IGF1R: variants seen among roughly 807,000 people sequenced by gnomAD.
IGF1R encodes the protein insulin-like growth factor 1 receptor.
Under a neutral mutation model 144.6 loss-of-function variants are expected in IGF1R, and 44 were observed. The observed-to-expected ratio is 0.30, with a 90% CI of 0.24 to 0.39. IGF1R has a LOEUF of 0.39. Ranked by LOEUF, IGF1R falls within the 10% of genes least tolerant of loss-of-function variation. The pLI is 1.00. For missense variants in IGF1R, 1,355 were observed against 1,833.7 expected (o/e 0.74, Z 4.77); for synonymous variants, 795 against 722.8 (o/e 1.10, Z -1.60).
Position 98,649,416 on chromosome 15 carries a change from C to G in IGF1R, c.-166C>G, listed in dbSNP as rs1163850430. On this transcript the variant is annotated 5_prime_UTR_variant, in exon 1 of 21. Coordinates refer to ENST00000650285, the MANE Select transcript of IGF1R (RefSeq NM_000875.5). ...CCCCGTCCGCGCACCCGGAGGGCCCCGGCGGCGCCGCCTTCGGAGTATTGT... is the reference window on the plus strand; with the variant it reads ...CCCCGTCCGCGCACCCGGAGGGCCCGGGCGGCGCCGCCTTCGGAGTATTGT... The G allele has an allele frequency of 7.1e-6, 3 of 425,194 alleles. No homozygotes were observed. The highest frequency in any genetic ancestry group is 1.1e-4 in the South Asian group (2 of 18,764). The allele number at this position is 425,194 out of a possible 1,614,324, so 26.3% of individuals were successfully genotyped here. A position where few individuals can be genotyped will look rare whatever the true frequency, so the allele number is the denominator to read the frequency against.
In IGF1R at chr15:98,891,227, TG is replaced by T; in HGVS notation, c.641-96del. 1 of 1,063,552 alleles carries T rather than the reference TG, an allele frequency of 9.4e-7. No individual in the cohort carries two copies. The highest frequency in any genetic ancestry group is 1.4e-6 in the Non-Finnish European group (1 of 711,154). 65.9% of individuals were successfully genotyped at this position (1,063,552 alleles called of 1,614,324 possible). Reference sequence around the variant, plus strand: ...TCCTCAATGAGTGATCTGGTGCTGGTGGTAGCAGTGAATGACCCAGAAGGAT... The same window carrying T: ...TCCTCAATGAGTGATCTGGTGCTGGTGTAGCAGTGAATGACCCAGAAGGAT... On this transcript the variant is annotated intron_variant, in intron 2 of 20. Coordinates refer to ENST00000650285, the MANE Select transcript of IGF1R (RefSeq NM_000875.5). This position sits in a 1 kb window ranked among gnomAD's most constrained non-coding sequence, Gnocchi z 4.7.
At chr15:98,662,487 T>G (rs1261490955) in intron 1 of IGF1R, among the ~76,000 whole-genome samples, 1 of 151,904 alleles carries the variant, frequency 6.6e-6, no homozygotes, top group African/African-American at 2.4e-5. Flanking sequence ...GGTGACAGAG[T>G]ATGGAACCCT....
intron 2 of IGF1R, among the ~76,000 whole-genome samples, chr15:98,877,118 G>T (rs2013098479): frequency 6.6e-6 from 1 of 152,214 alleles, no homozygotes; most frequent in Non-Finnish European, 1.5e-5. Flanking sequence ...ATCTGTAGCT[G>T]TTGCTGTCCA....
chr15:98,734,985 G>A (rs912480188), intron 2 of IGF1R, among the ~76,000 whole-genome samples: 14 of 152,080 alleles, frequency 9.2e-5, no homozygotes, highest in East Asian at 1.9e-4. Context: ...TATGGGTAGC[G>A]GTATCCTTCT....
chr15:98,655,578 G>A (rs563051737), intron 1 of IGF1R, among the ~76,000 whole-genome samples: 74 of 151,558 alleles, frequency 4.9e-4, no homozygotes, highest in Admixed American at 1.3e-3. Context: ...ATTTGATACT[G>A]TAAAATGTCT....
chr15:98,874,670 G>C lies in IGF1R; in HGVS notation c.641-16655G>C, dbSNP rs142869601. Among the ~76,000 whole-genome samples the C allele has an allele frequency of 7.4e-4, 112 of 152,308 alleles. 2 individuals are homozygous for C. The East Asian group carries it at 0.017, about 23-fold the overall frequency. ...TCTGCCAAGTGAAGACATTTGACTGGATGTCGTGATCTTGAGTTGCTTTCA... is the reference window on the plus strand; with the variant it reads ...TCTGCCAAGTGAAGACATTTGACTGCATGTCGTGATCTTGAGTTGCTTTCA... On this transcript the variant is annotated intron_variant, in intron 2 of 20. Coordinates refer to ENST00000650285, the MANE Select transcript of IGF1R (RefSeq NM_000875.5).
At chr15:98,661,956 CTTTTTTTTTTTTTTTTT>C (rs869208651) in intron 1 of IGF1R, among the ~76,000 whole-genome samples, 2 of 105,750 alleles carry the variant, frequency 1.9e-5, no homozygotes, top group Non-Finnish European at 3.6e-5. Context: ...GAATAGGGCC[CTTTTTTTTTTTTTTTTT>C]TTTTTTTTTG....
At chr15:98,827,445 C>A (rs1267575826) in intron 2 of IGF1R, among the ~76,000 whole-genome samples, 1 of 152,150 alleles carries the variant, frequency 6.6e-6, no homozygotes, top group Non-Finnish European at 1.5e-5. Flanking sequence ...AGAGCCAGGA[C>A]TAGATTTCAT....
rs114666956 is a variant in IGF1R, at chr15:98,759,961, C to A, written c.640+51854C>A. Among the ~76,000 whole-genome samples, 675 of 152,302 alleles carry A rather than the reference C, an allele frequency of 4.4e-3. 8 individuals are homozygous for A. Among genetic ancestry groups the A allele is most frequent in the African/African-American group, 0.015 (631 of 41,572 alleles). The stretch of plus-strand genomic sequence containing the variant: ...GATGACCAGTATTTGCAGACAGAGC[C>A]ACTGCCTTTGCTGCCACATTTTGCT... On this transcript the variant is annotated intron_variant, in intron 2 of 20. Transcript: ENST00000650285.
At chr15:98,716,109 G>A (rs2054108881) in intron 2 of IGF1R, among the ~76,000 whole-genome samples, 1 of 152,184 alleles carries the variant, frequency 6.6e-6, no homozygotes. Flanking sequence ...GGGTCCAGCA[G>A]TGCCTTTCCT....
In IGF1R at chr15:98,912,949, T is replaced by A. The variant is rs2015086344; in HGVS notation, c.1590-95T>A. 3 of 795,742 alleles carry A rather than the reference T, an allele frequency of 3.8e-6. No individual in the cohort carries two copies. In the East Asian group the frequency reaches 7.4e-5, roughly 20 times the overall value. 49.3% of individuals were successfully genotyped at this position (795,742 alleles called of 1,614,324 possible). A position where few individuals can be genotyped will look rare whatever the true frequency, so the allele number is the denominator to read the frequency against. ...ATTATTTGTTTATTTAGACCTCCCA[T>A]TATAGAAAGTGTGACATGCTGGGCC... On this transcript the variant is annotated intron_variant, in intron 7 of 20. Coordinates refer to ENST00000650285, the MANE Select transcript of IGF1R (RefSeq NM_000875.5).
intron 1 of IGF1R, among the ~76,000 whole-genome samples, chr15:98,679,622 G>A (rs1327384518): frequency 6.6e-6 from 1 of 152,144 alleles, no homozygotes; most frequent in Non-Finnish European, 1.5e-5. Flanking sequence ...AATTGTGTGC[G>A]GTACCTAATA....
In IGF1R at chr15:98,958,771, C is replaced by T; in HGVS notation, c.*1329C>T. 4.3e-6 allele frequency: 1 copy of T among 232,900 alleles called. No individual in the cohort carries two copies. The highest frequency in any genetic ancestry group is 8.5e-6 in the Non-Finnish European group (1 of 117,610). 14.4% of individuals were successfully genotyped at this position (232,900 alleles called of 1,614,324 possible). A position where few individuals can be genotyped will look rare whatever the true frequency, so the allele number is the denominator to read the frequency against. ...TAATCTATGAAAACCTTCAGGTCCA[C>T]CCTCTCCCCTTTCTGCTCACTCCAA... On this transcript the variant is annotated 3_prime_UTR_variant, in exon 21 of 21. Coordinates refer to ENST00000650285, the MANE Select transcript of IGF1R (RefSeq NM_000875.5).
chr15:98,895,340 T>G (rs990613558), intron 3 of IGF1R, among the ~76,000 whole-genome samples: 1 of 152,162 alleles, frequency 6.6e-6, no homozygotes, highest in Non-Finnish European at 1.5e-5. Flanking sequence ...GGATGAAGGC[T>G]ATGTGGGATC....
chr15:98,751,159 C>T (rs1000969519), intron 2 of IGF1R, among the ~76,000 whole-genome samples: 2 of 152,122 alleles, frequency 1.3e-5, no homozygotes, highest in African/African-American at 2.4e-5. Context: ...TGTTTATTTC[C>T]TAGCATTTAA....
At chr15:98,725,862 A>AC (rs1361747865) in intron 2 of IGF1R, among the ~76,000 whole-genome samples, 2 of 152,088 alleles carry the variant, frequency 1.3e-5, no homozygotes, top group Non-Finnish European at 2.9e-5. Flanking sequence ...AAAAGTGGAA[A>AC]CCCTGATAAA....
chr15:98,909,119 G>C (rs1345182151), intron 6 of IGF1R, among the ~76,000 whole-genome samples: 1 of 152,214 alleles, frequency 6.6e-6, no homozygotes, highest in East Asian at 1.9e-4. Context: ...GTACATCTCT[G>C]TGAGTGTGTG....
rs1302853533 is a variant in IGF1R at position 98,648,985 on chromosome 15, C to CGCG, written c.-584_-582dup. The CGCG allele has an allele frequency of 6.6e-4, 139 of 210,802 alleles. 1 individual carries two copies. Among genetic ancestry groups the CGCG allele is most frequent in the African/African-American group, 2.8e-3 (121 of 42,464 alleles). The allele number at this position is 210,802 out of a possible 1,614,324, so 13.1% of individuals were successfully genotyped here. The stretch of plus-strand genomic sequence containing the variant: ...GTCCTGGATTTGGGAAGGAGCTCGC[C>CGCG]GCGGCGGCGGCGGCGCTGAGGGAGG... On this transcript the variant is annotated 5_prime_UTR_variant, in exon 1 of 21. Coordinates refer to ENST00000650285, the MANE Select transcript of IGF1R (RefSeq NM_000875.5).
intron 2 of IGF1R, among the ~76,000 whole-genome samples, chr15:98,737,599 TAAAA>T: frequency 6.6e-6 from 1 of 152,334 alleles, no homozygotes; most frequent in Middle Eastern, 3.4e-3. Flanking sequence ...AAATTTAATT[TAAAA>T]AAGACTTCGA....
Sources: gnomAD v4.1 joint callset for allele counts (sites outside exome capture counted in the v4.1 genomes callset) on GRCh38, gnomAD v4.1.1 for gene constraint, Gnocchi (gnomAD v3.1) non-coding constraint, MANE v1.5 for transcripts, NCBI Gene and HGNC (gene_info 2026-07-23, HGNC 2026-07-21) for gene names.